The following CCDC91 variants were observed in gnomAD, a reference collection of about 807,000 sequenced individuals.
CCDC91 encodes coiled-coil domain containing 91.
A neutral mutation model predicts 63.2 loss-of-function variants in CCDC91; 48 were observed. That is an observed-to-expected ratio of 0.76 (90% CI 0.60 to 0.97). The LOEUF (loss-of-function observed/expected upper bound fraction) is 0.97. Ranked by LOEUF, CCDC91 falls within the 50% of genes least tolerant of loss-of-function variation. The pLI is 0.00. For synonymous variants in CCDC91, 167 were observed against 165.8 expected (o/e 1.01, Z -0.06); for missense variants, 500 against 494.6 (o/e 1.01, Z -0.10).
At chr12:28,299,355 G>A (rs1305734380) in intron 3 of CCDC91, among the ~76,000 whole-genome samples, 1 of 151,020 alleles carries the variant, frequency 6.6e-6, no homozygotes, top group African/African-American at 2.4e-5. Context: ...TTTATTTAGT[G>A]TTCTTTTTGT....
chr12:28,292,456 T>C (rs1949311213), intron 3 of CCDC91, among the ~76,000 whole-genome samples: 1 of 152,194 alleles, frequency 6.6e-6, no homozygotes, highest in Non-Finnish European at 1.5e-5. Flanking sequence ...GTCTAATAGC[T>C]GCTATTTCTT....
At chr12:28,522,408 C>T (rs1283958982) in intron 12 of CCDC91, among the ~76,000 whole-genome samples, 2 of 152,060 alleles carry the variant, frequency 1.3e-5, no homozygotes, top group East Asian at 1.9e-4. Flanking sequence ...TCTGTGGGAT[C>T]GGTGGTGATA....
intron 6 of CCDC91, among the ~76,000 whole-genome samples, chr12:28,308,407 G>A (rs1248488878): frequency 6.6e-6 from 1 of 151,982 alleles, no homozygotes. Flanking sequence ...CCCACGTGCA[G>A]ACCATTCCCC....
At chr12:28,394,183 A>T (rs1015304172) in intron 8 of CCDC91, among the ~76,000 whole-genome samples, 1 of 152,144 alleles carries the variant, frequency 6.6e-6, no homozygotes, top group Admixed American at 6.5e-5. Context: ...AAAAGCAAAG[A>T]TTAGTCGTTG....
chr12:28,380,406 C>A (rs967043260), intron 7 of CCDC91, among the ~76,000 whole-genome samples: 1 of 152,066 alleles, frequency 6.6e-6, no homozygotes, highest in African/African-American at 2.4e-5. Context: ...TTTTCACTTA[C>A]TAAAATGAAC....
chr12:28,524,288 G>C (rs1941050849), intron 12 of CCDC91, among the ~76,000 whole-genome samples: 1 of 152,072 alleles, frequency 6.6e-6, no homozygotes. Context: ...TTACCTTGAG[G>C]CATGTCCCTT....
intron 1 of CCDC91, among the ~76,000 whole-genome samples, chr12:28,224,111 G>A (rs1944122156): frequency 6.6e-6 from 1 of 152,102 alleles, no homozygotes. Context: ...CTGTTTCAAA[G>A]AAGTACATTT....
chr12:28,297,781 C>T (rs559509870), intron 3 of CCDC91, among the ~76,000 whole-genome samples: 17 of 151,882 alleles, frequency 1.1e-4, no homozygotes, highest in African/African-American at 4.1e-4. Flanking sequence ...CACTTTGGAA[C>T]TTTAAAAATT....
At chr12:28,537,595 C>T (rs1474348785) in intron 12 of CCDC91, among the ~76,000 whole-genome samples, 1 of 152,098 alleles carries the variant, frequency 6.6e-6, no homozygotes, top group African/African-American at 2.4e-5. Flanking sequence ...ACAGCATAAG[C>T]AAGGTCAGAA....
rs1456082647 is a variant in CCDC91 at position 28,190,482 on chromosome 12, T to G, written c.-174T>G. ...GAGGTGTTCGAAGCCGGGTGGTGCG[T>G]GGGCTACCCCAACCTGTGTGGCTGG... On this transcript the variant is annotated 5_prime_UTR_variant, in exon 1 of 13. Transcript: ENST00000536442. The G allele has an allele frequency of 1.3e-5, 2 of 152,820 alleles. No individual in the cohort carries two copies. The highest frequency in any genetic ancestry group is 2.9e-5 in the Non-Finnish European group (2 of 68,534). 9.5% of individuals were successfully genotyped at this position (152,820 alleles called of 1,614,324 possible). A position where few individuals can be genotyped will look rare whatever the true frequency, so the allele number is the denominator to read the frequency against.
intron 3 of CCDC91, among the ~76,000 whole-genome samples, chr12:28,271,837 G>A (rs1050844451): frequency 1.4e-4 from 21 of 150,090 alleles, no homozygotes; most frequent in Non-Finnish European, 2.8e-4. Context: ...CATTTTAAAT[G>A]TGTATATATA....
chr12:28,445,772 G>A (rs774641966), intron 8 of CCDC91, among the ~76,000 whole-genome samples: 27 of 152,268 alleles, frequency 1.8e-4, no homozygotes, highest in Middle Eastern at 3.4e-3. Context: ...TGGCTTGTAG[G>A]TAGCCACAGT....
At chr12:28,424,147 C>G (rs1948172416) in intron 8 of CCDC91, among the ~76,000 whole-genome samples, 1 of 152,064 alleles carries the variant, frequency 6.6e-6, no homozygotes, top group East Asian at 1.9e-4. Context: ...CCAAGCTGGT[C>G]TCCAACTCCT....
intron 6 of CCDC91, among the ~76,000 whole-genome samples, chr12:28,308,861 T>A (rs1260007886): frequency 2.6e-5 from 4 of 152,058 alleles, no homozygotes; most frequent in Admixed American, 1.3e-4. Flanking sequence ...CTGGCTTCCA[T>A]CCTTGTTCTT....
intron 6 of CCDC91, among the ~76,000 whole-genome samples, chr12:28,334,486 TC>T (rs1433807407): frequency 1.3e-5 from 2 of 152,166 alleles, no homozygotes; most frequent in African/African-American, 2.4e-5. Context: ...GCCTATGGCA[TC>T]CTTTGTCTTT....
chr12:28,345,344 T>C (rs1942732204), intron 6 of CCDC91, among the ~76,000 whole-genome samples: 1 of 152,144 alleles, frequency 6.6e-6, no homozygotes, highest in South Asian at 2.1e-4. Flanking sequence ...TATGTCAGTA[T>C]AGTAAGAGCT....
intron 7 of CCDC91, among the ~76,000 whole-genome samples, chr12:28,364,399 AAAAC>A (rs1306955093): frequency 2.6e-5 from 4 of 152,226 alleles, no homozygotes; most frequent in Non-Finnish European, 5.9e-5. Flanking sequence ...AAAAAAAACA[AAAAC>A]AAAAAACAAA....
chr12:28,519,114 T>C (rs914149635), intron 12 of CCDC91, among the ~76,000 whole-genome samples: 1 of 152,152 alleles, frequency 6.6e-6, no homozygotes, highest in South Asian at 2.1e-4. Context: ...AGGAATTGCA[T>C]TGAATTTGTA....
chr12:28,356,783 T>C (rs1463258268), intron 6 of CCDC91, among the ~76,000 whole-genome samples: 1 of 152,218 alleles, frequency 6.6e-6, no homozygotes, highest in African/African-American at 2.4e-5. Flanking sequence ...TATTATTTGC[T>C]AATTATGTTC....
Sources: gnomAD v4.1 joint callset for allele counts (sites outside exome capture counted in the v4.1 genomes callset) on GRCh38, gnomAD v4.1.1 for gene constraint, MANE v1.5 for transcripts, NCBI Gene and HGNC (gene_info 2026-07-23, HGNC 2026-07-21) for gene names.